STARD13: variants seen among roughly 807,000 people sequenced by gnomAD.
The protein encoded by STARD13 is stAR-related lipid transfer protein 13.
A neutral mutation model predicts 106.4 loss-of-function variants in STARD13; 62 were observed. That is an observed-to-expected ratio of 0.58 (90% CI 0.48 to 0.72). The LOEUF is 0.72. STARD13 is among the 30% of genes least tolerant of loss of function. The pLI, the probability that STARD13 is intolerant of heterozygous loss-of-function variation, is 0.00. For synonymous variants in STARD13, 565 were observed against 553.0 expected (o/e 1.02, Z -0.31); for missense variants, 1,387 against 1,424.0 (o/e 0.97, Z 0.42).
chr13:33,517,944 C>A, the STARD13 span, among the ~76,000 whole-genome samples: 1 of 151,694 alleles, frequency 6.6e-6, no homozygotes, highest in South Asian at 2.1e-4. Context: ...CTGCTCCCTG[C>A]CACACTCTTT....
chr13:33,318,353 A>G (rs1250264615), intron 1 of STARD13, among the ~76,000 whole-genome samples: 1 of 152,176 alleles, frequency 6.6e-6, no homozygotes, highest in Non-Finnish European at 1.5e-5. Context: ...TTTTCAGCAA[A>G]CGGTTTTGGG....
At chr13:33,366,106 T>G in the STARD13 span, among the ~76,000 whole-genome samples, 3 of 152,184 alleles carry the variant, frequency 2.0e-5, no homozygotes, top group African/African-American at 7.2e-5. The surrounding 1 kb of genome is among the most constrained non-coding windows in gnomAD (Gnocchi z 4.2). Context: ...TATATAGAAT[T>G]TTTTTCTAGG....
At chr13:33,328,335 C>T (rs2077799946) in intron 1 of STARD13, among the ~76,000 whole-genome samples, 1 of 152,190 alleles carries the variant, frequency 6.6e-6, no homozygotes. Flanking sequence ...CCAGAATCAG[C>T]TAACATTTTA....
chr13:33,411,493 T>C, the STARD13 span, among the ~76,000 whole-genome samples: 1 of 152,188 alleles, frequency 6.6e-6, no homozygotes, highest in East Asian at 1.9e-4. Context: ...GGCAGGCTGC[T>C]CTGTGGGCAG....
At chr13:33,232,407 T>G (rs993893283) in intron 1 of STARD13, among the ~76,000 whole-genome samples, 5 of 152,240 alleles carry the variant, frequency 3.3e-5, no homozygotes, top group Admixed American at 2.0e-4. Flanking sequence ...ATTTTTAATT[T>G]TTTTTCAAAT....
In STARD13 at chr13:33,285,539, T is replaced by A. The variant is rs758867642; in HGVS notation, c.100A>T (p.Thr34Ser). The change falls in exon 1 of 14, where the codon ACA becomes TCA. Residue 34 changes from threonine (T) to serine (S), a missense_variant. Thr to Ser is a moderately conservative substitution (Grantham distance 58). Coordinates refer to ENST00000336934, the MANE Select transcript of STARD13 (RefSeq NM_178006.4). Reference protein sequence around the residue: ...QEMYLRFDQTTRRSPYRMSRI... With the variant: ...QEMYLRFDQTSRRSPYRMSRI... ...CTCATCCTGTAAGGAGAGCGTCTTG[T>A]AGTCTGATCAAATCGCAAGTACATC... 1.2e-6 allele frequency: 2 copies of A among 1,614,066 alleles called. No homozygotes were observed. Among genetic ancestry groups the A allele is most frequent in the Non-Finnish European group, 1.7e-6 (2 of 1,179,936 alleles).
chr13:33,337,150 A>G (rs982952531), intron 1 of STARD13, among the ~76,000 whole-genome samples: 9 of 152,220 alleles, frequency 5.9e-5, no homozygotes, highest in African/African-American at 2.2e-4. Flanking sequence ...ACAAATGGGA[A>G]TAATGACAAA....
chr13:33,488,994 C>G, the STARD13 span, among the ~76,000 whole-genome samples: 1 of 152,200 alleles, frequency 6.6e-6, no homozygotes, highest in Non-Finnish European at 1.5e-5. Context: ...ACACACCCTG[C>G]TGACTGGACT....
the STARD13 span, among the ~76,000 whole-genome samples, chr13:33,509,689 A>T: frequency 2.6e-5 from 4 of 152,188 alleles, no homozygotes; most frequent in Non-Finnish European, 5.9e-5. Context: ...TTACCACTGT[A>T]GGGAGTATCC....
the STARD13 span, among the ~76,000 whole-genome samples, chr13:33,623,428 T>TAAA: frequency 1.2e-4 from 7 of 59,360 alleles, no homozygotes; most frequent in Admixed American, 3.9e-4. Context: ...CTCAATAAAG[T>TAAA]AAAAAAAAAA....
chr13:33,256,374 C>T (rs909146155), intron 1 of STARD13, among the ~76,000 whole-genome samples: 1 of 152,164 alleles, frequency 6.6e-6, no homozygotes, highest in Non-Finnish European at 1.5e-5. Flanking sequence ...CCATTGTGTC[C>T]GCCTCACTTC....
chr13:33,197,933 G>A (rs1886751739), intron 1 of STARD13, among the ~76,000 whole-genome samples: 1 of 152,218 alleles, frequency 6.6e-6, no homozygotes, highest in African/African-American at 2.4e-5. Context: ...CACTTTAGGA[G>A]GCCGAGATGG....
At chr13:33,135,314 T>G (rs1375463624) in intron 4 of STARD13, among the ~76,000 whole-genome samples, 1 of 152,254 alleles carries the variant, frequency 6.6e-6, no homozygotes, top group Non-Finnish European at 1.5e-5. Context: ...TTGAAAAGTC[T>G]GTGCTATCTG....
intron 1 of STARD13, among the ~76,000 whole-genome samples, chr13:33,184,499 T>A (rs1885557058): frequency 6.6e-6 from 1 of 152,158 alleles, no homozygotes; most frequent in Non-Finnish European, 1.5e-5. Flanking sequence ...GTTGGAATTT[T>A]AAAAAAATCT....
chr13:33,633,588 A>G, the STARD13 span, among the ~76,000 whole-genome samples: 6 of 152,230 alleles, frequency 3.9e-5, no homozygotes, highest in Non-Finnish European at 7.3e-5. Flanking sequence ...AACTTTTAAA[A>G]TGTAATCACT....
the STARD13 span, among the ~76,000 whole-genome samples, chr13:33,648,026 G>A: frequency 6.6e-6 from 1 of 152,188 alleles, no homozygotes; most frequent in East Asian, 1.9e-4. Flanking sequence ...CTGTTTCTAT[G>A]TGCTGTGCAT....
Position 33,270,959 on chromosome 13 carries a change from C to A in STARD13, c.169+14511G>T, listed in dbSNP as rs748809299. 4.6e-5 allele frequency among the ~76,000 whole-genome samples: 7 copies of A among 152,304 alleles called. No individual in the cohort carries two copies. The East Asian group carries it at 1.3e-3, about 29-fold the overall frequency. ...TTAAAAATTCCCTTCCCTGCACACT[C>A]CCACAAGCAGAGTCAGTTCATCAAT... On this transcript the variant is annotated intron_variant, in intron 1 of 13. Transcript: ENST00000336934.
the STARD13 span, among the ~76,000 whole-genome samples, chr13:33,666,245 G>C: frequency 6.6e-6 from 1 of 152,094 alleles, no homozygotes; most frequent in African/African-American, 2.4e-5. Flanking sequence ...ACATTGATTA[G>C]AACTTATCAT....
the STARD13 span, among the ~76,000 whole-genome samples, chr13:33,439,070 G>C: frequency 1.3e-5 from 2 of 152,206 alleles, no homozygotes; most frequent in Non-Finnish European, 2.9e-5. Context: ...GTAAATGACC[G>C]TATGAAGTGA....
Sources: allele counts gnomAD v4.1 joint callset (sites outside exome capture counted in the v4.1 genomes callset), GRCh38; gene constraint gnomAD v4.1.1; non-coding constraint Gnocchi (gnomAD v3.1); transcripts MANE v1.5; gene names NCBI Gene and HGNC (gene_info 2026-07-23, HGNC 2026-07-21).